The following GRIK1 variants were observed in gnomAD, a reference collection of about 807,000 sequenced individuals.
GRIK1 encodes the protein glutamate receptor ionotropic, kainate 1.
Under a neutral mutation model 105.7 loss-of-function variants are expected in GRIK1, and 69 were observed. That is an observed-to-expected ratio of 0.65 (90% CI 0.54 to 0.80). The LOEUF is 0.80. Ranked by LOEUF, GRIK1 falls within the 30% of genes least tolerant of loss-of-function variation. The pLI, the probability that GRIK1 is intolerant of heterozygous loss-of-function variation, is 0.00. For missense variants in GRIK1, 1,109 were observed against 1,167.3 expected, an observed-to-expected ratio of 0.95 and a Z score of 0.73; for synonymous variants, 438 against 431.3, an observed-to-expected ratio of 1.02 and a Z score of -0.19.
intron 1 of GRIK1, among the ~76,000 whole-genome samples, chr21:29,878,581 C>T (rs562702236): frequency 1.3e-5 from 2 of 152,044 alleles, no homozygotes; most frequent in East Asian, 1.9e-4. Flanking sequence ...GTGTTTCATA[C>T]GTTGAAATCT....
Position 29,883,536 on chromosome 21 carries a change from C to T in GRIK1, c.118+55847G>A, listed in dbSNP as rs150845366. 1.3e-3 allele frequency among the ~76,000 whole-genome samples: 203 copies of T among 152,016 alleles called. 3 individuals carry two copies. Among genetic ancestry groups the T allele is most frequent in the African/African-American group, 4.6e-3 (193 of 41,518 alleles). On this transcript the variant is annotated intron_variant, in intron 1 of 17. Transcript: ENST00000327783. ...CACAAAGCAAGTGGTGCACATTTTC[C>T]TTCCAAATAGAAAAAATAAAAATGA...
chr21:29,834,917 CATT>C (rs1446661780), intron 1 of GRIK1, among the ~76,000 whole-genome samples: 3 of 149,164 alleles, frequency 2.0e-5, no homozygotes, highest in African/African-American at 5.0e-5. Flanking sequence ...TTTTTTGTAT[CATT>C]ATTATTCTCA....
intron 1 of GRIK1, among the ~76,000 whole-genome samples, chr21:29,849,669 T>C (rs1307015195): frequency 6.6e-6 from 1 of 152,220 alleles, no homozygotes; most frequent in Non-Finnish European, 1.5e-5. Context: ...TCCCCTTCTC[T>C]CTGCTTAACT....
At chr21:29,559,959 A>G (rs191870445) in intron 15 of GRIK1, among the ~76,000 whole-genome samples, 1 of 151,952 alleles carries the variant, frequency 6.6e-6, no homozygotes, top group African/African-American at 2.4e-5. Flanking sequence ...GTTCCCTACT[A>G]CCTCCTGGCA....
At chr21:29,741,289 A>G (rs933972070) in intron 1 of GRIK1, among the ~76,000 whole-genome samples, 4 of 152,208 alleles carry the variant, frequency 2.6e-5, no homozygotes, top group African/African-American at 9.7e-5. Flanking sequence ...TATATTGATC[A>G]GCTCTTTTAA....
intron 7 of GRIK1, among the ~76,000 whole-genome samples, chr21:29,628,901 A>G (rs771893121): frequency 2.0e-5 from 3 of 152,228 alleles, no homozygotes; most frequent in Non-Finnish European, 4.4e-5. Flanking sequence ...AAGATGAACA[A>G]TGGATTCCAC....
intron 1 of GRIK1, among the ~76,000 whole-genome samples, chr21:29,801,525 T>A (rs1482235819): frequency 1.3e-5 from 2 of 152,104 alleles, no homozygotes; most frequent in Non-Finnish European, 2.9e-5. Context: ...TTTGACTGAC[T>A]ACCAGTGTGT....
At chr21:29,814,120 A>ATT (rs113925095) in intron 1 of GRIK1, among the ~76,000 whole-genome samples, 3 of 141,016 alleles carry the variant, frequency 2.1e-5, no homozygotes, top group South Asian at 2.2e-4. Flanking sequence ...AATAATTATT[A>ATT]TTTTTTTTTT....
intron 1 of GRIK1, among the ~76,000 whole-genome samples, chr21:29,757,112 C>G (rs1216709335): frequency 6.6e-6 from 1 of 151,638 alleles, no homozygotes; most frequent in South Asian, 2.1e-4. Flanking sequence ...ATTGAGACTC[C>G]ATCTCAATAT....
At chr21:29,861,057 C>T (rs2068620386) in intron 1 of GRIK1, among the ~76,000 whole-genome samples, 1 of 151,730 alleles carries the variant, frequency 6.6e-6, no homozygotes, top group African/African-American at 2.4e-5. Context: ...ACGTATGTGA[C>T]TCACTTTTGT....
rs149474416 is a variant in GRIK1 at position 29,753,381 on chromosome 21, C to A, written c.119-59318G>T. ...TGAATCACATACTTGGCTTCCTTGGCTGCCTGTCAAGAAAACAACTCTCCA... is the reference window on the plus strand; with the variant it reads ...TGAATCACATACTTGGCTTCCTTGGATGCCTGTCAAGAAAACAACTCTCCA... On this transcript the variant is annotated intron_variant, in intron 1 of 17. Transcript: ENST00000327783. Among the ~76,000 whole-genome samples the A allele has an allele frequency of 5.7e-3, 861 of 152,222 alleles. 10 individuals are homozygous for A. Among genetic ancestry groups the A allele is most frequent in the African/African-American group, 0.019 (790 of 41,524 alleles).
chr21:29,551,404 A>C (rs1328897232), intron 16 of GRIK1, among the ~76,000 whole-genome samples: 1 of 152,220 alleles, frequency 6.6e-6, no homozygotes, highest in Admixed American at 6.5e-5. Flanking sequence ...GTCATTCAGC[A>C]TGTGGCTCTG....
chr21:29,926,417 T>C (rs1307163663), intron 1 of GRIK1, among the ~76,000 whole-genome samples: 1 of 152,148 alleles, frequency 6.6e-6, no homozygotes, highest in Non-Finnish European at 1.5e-5. Flanking sequence ...TTTTAACACC[T>C]TTCAAATTAG....
chr21:29,814,118 TTA>T (rs1456987304), intron 1 of GRIK1, among the ~76,000 whole-genome samples: 8 of 145,752 alleles, frequency 5.5e-5, no homozygotes, highest in Admixed American at 4.2e-4. Context: ...ATAATAATTA[TTA>T]TTTTTTTTTT....
rs79984097 is a variant in GRIK1, at chr21:29,697,967, T to C, written c.119-3904A>G. 2.0e-4 allele frequency among the ~76,000 whole-genome samples: 28 copies of C among 139,258 alleles called. 1 individual carries two copies. Among genetic ancestry groups the C allele is most frequent in the East Asian group, 6.7e-4 (3 of 4,510 alleles). The allele number at this position is 139,258 out of a possible 152,430, so 91.4% of individuals were successfully genotyped here. ...CTTTCTTTTTTCTTTCTTCCTTTCT[T>C]TCTTTCTCTCTGTCTCTTTCTTTCT... On this transcript the variant is annotated intron_variant, in intron 1 of 17. Coordinates refer to ENST00000327783, the MANE Select transcript of GRIK1 (RefSeq NM_001330994.2).
intron 9 of GRIK1, chr21:29,595,930 T>C (rs936181050): frequency 1.2e-5 from 2 of 163,440 alleles, no homozygotes; most frequent in African/African-American, 2.4e-5. Context: ...CTCATTTCCT[T>C]TCCAAGGTCC....
chr21:29,814,552 T>C (rs1392205862), intron 1 of GRIK1, among the ~76,000 whole-genome samples: 1 of 152,012 alleles, frequency 6.6e-6, no homozygotes, highest in Non-Finnish European at 1.5e-5. Flanking sequence ...GGAGATAAAG[T>C]TGTCAGAGAG....
In GRIK1 at chr21:29,917,342, T is replaced by G. The variant is rs557069060; in HGVS notation, c.118+22041A>C. On this transcript the variant is annotated intron_variant, in intron 1 of 17. Transcript: ENST00000327783. ...AAGCATGTCTCACTTCTTGGTCAGG[T>G]TTGCACATTGGTATTTACTGTTTCT... 9.3e-4 allele frequency among the ~76,000 whole-genome samples: 142 copies of G among 152,198 alleles called. 1 individual carries two copies. Among genetic ancestry groups the G allele is most frequent in the African/African-American group, 3.3e-3 (137 of 41,562 alleles).
chr21:29,591,830 C>T (rs1460328715), intron 9 of GRIK1, among the ~76,000 whole-genome samples: 6 of 152,080 alleles, frequency 3.9e-5, no homozygotes, highest in African/African-American at 1.4e-4. Context: ...GGGAGGATCT[C>T]TTGAGACCAG....
Sources: gnomAD v4.1 joint callset for allele counts (sites outside exome capture counted in the v4.1 genomes callset) on GRCh38, gnomAD v4.1.1 for gene constraint, MANE v1.5 for transcripts, NCBI Gene and HGNC (gene_info 2026-07-23, HGNC 2026-07-21) for gene names.